Variants in BRAF observed in about 807,000 individuals in gnomAD.
The protein encoded by BRAF is B-Raf proto-oncogene, serine/threonine kinase, also known as serine/threonine-protein kinase B-raf.
A neutral mutation model predicts 104.6 loss-of-function variants in BRAF; 16 were observed. That is an observed-to-expected ratio of 0.15 (90% CI 0.10 to 0.23). The LOEUF (loss-of-function observed/expected upper bound fraction) is 0.23. Ranked by LOEUF, BRAF falls within the 10% of genes least tolerant of loss-of-function variation. The pLI, the probability that BRAF is intolerant of heterozygous loss-of-function variation, is 1.00. For missense variants in BRAF, 541 were observed against 937.3 expected (o/e 0.58, Z 5.52); for synonymous variants, 310 against 341.6 (o/e 0.91, Z 1.02).
At chr7:140,768,448 TTGGG>T (rs1456578116) in intron 14 of BRAF, among the ~76,000 whole-genome samples, 1 of 152,002 alleles carries the variant, frequency 6.6e-6, no homozygotes, top group East Asian at 1.9e-4. Context: ...TAAGAGGCAT[TTGGG>T]TCTGGGTCAT....
At chr7:140,896,468 C>A (rs916552971) in intron 1 of BRAF, among the ~76,000 whole-genome samples, 6 of 151,952 alleles carry the variant, frequency 3.9e-5, no homozygotes, top group Non-Finnish European at 7.4e-5. Flanking sequence ...GTGGCTCACA[C>A]CTGTAATCCC....
At chr7:140,880,989 A>G (rs980127794) in intron 1 of BRAF, among the ~76,000 whole-genome samples, 1 of 152,142 alleles carries the variant, frequency 6.6e-6, no homozygotes, top group African/African-American at 2.4e-5. Flanking sequence ...CATAGAAAAC[A>G]GAAGAGAACA....
intron 17 of BRAF, chr7:140,747,429 C>T: frequency 7.8e-7 from 1 of 1,288,666 alleles, no homozygotes; most frequent in Non-Finnish European, 1.0e-6. Context: ...TTATTATACT[C>T]CCATGGAGGA....
intron 3 of BRAF, among the ~76,000 whole-genome samples, chr7:140,817,132 A>G (rs539591491): frequency 6.6e-6 from 1 of 152,326 alleles, no homozygotes; most frequent in Admixed American, 6.5e-5. Context: ...TTAACATACA[A>G]AAGTCAGCAG....
intron 2 of BRAF, chr7:140,836,030 A>T (rs1002722586): frequency 1.1e-4 from 17 of 152,182 alleles, no homozygotes; most frequent in African/African-American, 4.1e-4. Flanking sequence ...CAGCCTTGAA[A>T]GGTTGGCATT....
intron 1 of BRAF, among the ~76,000 whole-genome samples, chr7:140,858,805 TAGTGTTTATATA>T (rs923850130): frequency 2.6e-5 from 4 of 151,978 alleles, no homozygotes; most frequent in Admixed American, 1.3e-4. Flanking sequence ...GTAGTATAGG[TAGTGTTTATATA>T]AGTGTTTATA....
intron 5 of BRAF, among the ~76,000 whole-genome samples, chr7:140,803,260 C>T (rs927352518): frequency 3.3e-5 from 5 of 152,110 alleles, no homozygotes; most frequent in Non-Finnish European, 7.4e-5. Context: ...TGAAAATAAT[C>T]ACCAAAAGAG....
chr7:140,717,216 A>G (rs1313218488), downstream of BRAF, among the ~76,000 whole-genome samples: 1 of 152,338 alleles, frequency 6.6e-6, no homozygotes, highest in East Asian at 1.9e-4. Context: ...TCCTGGCTAC[A>G]TAAGCCTAGC....
chr7:140,771,790 A>C (rs1322860861), intron 14 of BRAF, among the ~76,000 whole-genome samples: 1 of 152,300 alleles, frequency 6.6e-6, no homozygotes, highest in Non-Finnish European at 1.5e-5. Flanking sequence ...GAGGATATAG[A>C]CATGAAGAGT....
At chr7:140,736,711 G>A (rs996100482) in intron 18 of BRAF, among the ~76,000 whole-genome samples, 8 of 151,178 alleles carry the variant, frequency 5.3e-5, no homozygotes, top group Non-Finnish European at 1.0e-4. Flanking sequence ...ACAGGCGTGA[G>A]CCACCGTGCC....
rs1586213511 is a variant in BRAF at position 140,801,534 on chromosome 7, T to C, written c.738A>G (p.Ala246=). 1 of 1,613,622 alleles carries C rather than the reference T, an allele frequency of 6.2e-7. No individual in the cohort carries two copies. The highest frequency in any genetic ancestry group is 1.1e-5 in the South Asian group (1 of 91,026). Residue 246 remains alanine (A), a synonymous_variant, in exon 6 of 20, where the codon GCA becomes GCG. Coordinates refer to ENST00000644969, the MANE Select transcript of BRAF (RefSeq NM_001374258.1). ...NFVRKTFFTL[A]FCDFCRKLLF... is the part of the protein sequence containing the mutation. ...GCAGCTTTCGACAAAAGTCACAAAA[T>C]GCTAAGGTGAAAAACGTTTTTCGTA...
At chr7:140,765,955 C>T (rs6961984) in intron 14 of BRAF, among the ~76,000 whole-genome samples, 18,503 of 116,638 alleles carry the variant, frequency 0.16, 3,185 homozygotes, top group African/African-American at 0.48. Flanking sequence ...ACTGGGTATA[C>T]ACCCAAAGGA....
chr7:140,805,348 A>C (rs1803553349), intron 5 of BRAF, among the ~76,000 whole-genome samples: 1 of 152,166 alleles, frequency 6.6e-6, no homozygotes, highest in Admixed American at 6.5e-5. Flanking sequence ...ATATACAAGA[A>C]ATTTTAAAAT....
In BRAF at chr7:140,722,640, A is replaced by C. The variant is rs1474358649; in HGVS notation, c.*3854T>G. 1 of 1,053,420 alleles carries C rather than the reference A, an allele frequency of 9.5e-7. No individual in the cohort carries two copies. Among genetic ancestry groups the C allele is most frequent in the East Asian group, 5.4e-5 (1 of 18,568 alleles). 65.3% of individuals were successfully genotyped at this position (1,053,420 alleles called of 1,614,324 possible). A position where few individuals can be genotyped will look rare whatever the true frequency, so the allele number is the denominator to read the frequency against. On this transcript the variant is annotated 3_prime_UTR_variant, in exon 20 of 20. Transcript: ENST00000644969. ...AACAATGCCAACTTGGACAAAGAAG[A>C]GAATCTTGCAAAAAGAGTAATCATT...
At chr7:140,919,988 G>A (rs999951784) in intron 1 of BRAF, among the ~76,000 whole-genome samples, 1 of 152,098 alleles carries the variant, frequency 6.6e-6, no homozygotes, top group African/African-American at 2.4e-5. Context: ...GACTACAGGT[G>A]TGAGCCACCA....
chr7:140,753,403 A>G lies in BRAF; in HGVS notation c.1862-10T>C, dbSNP rs730880411. The G allele has an allele frequency of 1.4e-5, 21 of 1,534,766 alleles. No individual in the cohort carries two copies. The East Asian group carries it at 4.3e-4, about 31-fold the overall frequency. On this transcript the variant is annotated splice_polypyrimidine_tract_variant and intron_variant, in intron 15 of 19. Coordinates refer to ENST00000644969, the MANE Select transcript of BRAF (RefSeq NM_001374258.1). ...TCATGAAGAAATATATCTGAGGTGT[A>G]GTAAGTAAAGGAAAACAGTAGATCT...
chr7:140,921,194 TA>T (rs1563039908), intron 1 of BRAF, among the ~76,000 whole-genome samples: 1 of 152,134 alleles, frequency 6.6e-6, no homozygotes, highest in African/African-American at 2.4e-5. Flanking sequence ...GTATCACACT[TA>T]AAAAAATGTA....
At chr7:140,865,165 C>T (rs879918689) in intron 1 of BRAF, among the ~76,000 whole-genome samples, 14 of 151,866 alleles carry the variant, frequency 9.2e-5, no homozygotes, top group Non-Finnish European at 1.9e-4. Context: ...CCGCAGACTC[C>T]GCGTCCTGGG....
Position 140,782,454 on chromosome 7 carries a change from C to T in BRAF, c.1434+567G>A, listed in dbSNP as rs1474270660. Among the ~76,000 whole-genome samples the T allele has an allele frequency of 5.3e-5, 7 of 131,224 alleles. No individual in the cohort carries two copies. The East Asian group carries it at 1.0e-3, about 19-fold the overall frequency. The allele number at this position is 131,224 out of a possible 152,430, so 86.1% of individuals were successfully genotyped here. A position where few individuals can be genotyped will look rare whatever the true frequency, so the allele number is the denominator to read the frequency against. On this transcript the variant is annotated intron_variant, in intron 11 of 19. Coordinates refer to ENST00000644969, the MANE Select transcript of BRAF (RefSeq NM_001374258.1). Reference sequence around the variant, plus strand: ...ATTTCTTCATGTATCTTATCTAATTCGGTCTTTCCAAAAAAAAAAAAAAAA... The same window carrying T: ...ATTTCTTCATGTATCTTATCTAATTTGGTCTTTCCAAAAAAAAAAAAAAAA...
Sources: allele counts gnomAD v4.1 joint callset (sites outside exome capture counted in the v4.1 genomes callset), GRCh38; gene constraint gnomAD v4.1.1; transcripts MANE v1.5; gene names NCBI Gene and HGNC (gene_info 2026-07-23, HGNC 2026-07-21).